CACNA1E: variants seen among roughly 807,000 people sequenced by gnomAD.
The protein encoded by CACNA1E is voltage-dependent R-type calcium channel subunit alpha-1E.
Under a neutral mutation model 259.2 loss-of-function variants are expected in CACNA1E, and 40 were observed. The observed-to-expected ratio is 0.15, with a 90% confidence interval of 0.12 to 0.20. The LOEUF is 0.20. CACNA1E is among the 10% of genes least tolerant of loss of function. The pLI, the probability that CACNA1E is intolerant of heterozygous loss-of-function variation, is 1.00. For missense variants in CACNA1E, 1,874 were observed against 3,040.1 expected (o/e 0.62, Z 9.02); for synonymous variants, 1,104 against 1,138.5 (o/e 0.97, Z 0.61).
intron 44 of CACNA1E, among the ~76,000 whole-genome samples, chr1:181,792,503 C>T (rs1272640518): frequency 6.6e-6 from 1 of 152,164 alleles, no homozygotes; most frequent in African/African-American, 2.4e-5. Context: ...TGTCTGGAGT[C>T]AGAACTGTGT....
chr1:181,528,024 T>G (rs1014519210), intron 3 of CACNA1E, among the ~76,000 whole-genome samples: 1 of 152,188 alleles, frequency 6.6e-6, no homozygotes, highest in East Asian at 1.9e-4. Flanking sequence ...TGAAGACCAT[T>G]TTTTATCTGT....
At chr1:181,790,351 C>A in intron 43 of CACNA1E, 94 bp from the exon 44 acceptor site, 1 of 664,452 alleles carries the variant, frequency 1.5e-6, no homozygotes, top group South Asian at 2.1e-5. Flanking sequence ...TTTACAAAAG[C>A]CAGCCAAGGC....
intron 6 of CACNA1E, among the ~76,000 whole-genome samples, chr1:181,602,056 TCTTTC>T (rs1254527699): frequency 6.6e-6 from 1 of 152,220 alleles, no homozygotes; most frequent in African/African-American, 2.4e-5. Flanking sequence ...CTCGGTGAGT[TCTTTC>T]CTGACCATCG....
chr1:181,798,696 A>G lies in CACNA1E; in HGVS notation c.6804A>G (p.Ser2268=). The change falls in exon 48 of 48, where the codon TCA becomes TCG. Residue 2268 remains serine, a synonymous_variant. Coordinates refer to ENST00000367573, the MANE Select transcript of CACNA1E (RefSeq NM_001205293.3). The surrounding 1 kb of genome is among the most constrained non-coding windows in gnomAD (Gnocchi z 4.2). ...TGGGCCGTTCCAACACCATCGGCTC[A>G]GCCCCACCCCTGCGGCATAGCTGGC... The part of the protein sequence containing the change: ...TSLGRSNTIG[S]APPLRHSWQM... 1.2e-6 allele frequency: 2 copies of G among 1,609,384 alleles called. No individual in the cohort carries two copies. Among genetic ancestry groups the G allele is most frequent in the Non-Finnish European group, 1.7e-6 (2 of 1,177,100 alleles).
intron 6 of CACNA1E, among the ~76,000 whole-genome samples, chr1:181,601,179 T>G (rs1653707571): frequency 6.6e-6 from 1 of 152,214 alleles, no homozygotes; most frequent in African/African-American, 2.4e-5. Context: ...GAGGGAGCTC[T>G]TCAGTCTGAG....
chr1:181,793,350 G>A (rs1038213182), intron 44 of CACNA1E, among the ~76,000 whole-genome samples: 5 of 152,180 alleles, frequency 3.3e-5, no homozygotes, highest in African/African-American at 1.2e-4. Context: ...TCACATATCT[G>A]AAAAGTATTA....
chr1:181,579,536 C>T (rs1469439002), intron 5 of CACNA1E, among the ~76,000 whole-genome samples: 2 of 152,154 alleles, frequency 1.3e-5, no homozygotes, highest in Non-Finnish European at 2.9e-5. Context: ...CATAGTGGCA[C>T]CCACCTGTAG....
intron 6 of CACNA1E, among the ~76,000 whole-genome samples, chr1:181,605,446 C>G (rs977983168): frequency 6.6e-6 from 1 of 151,462 alleles, no homozygotes; most frequent in East Asian, 1.9e-4. Context: ...CAAACACACA[C>G]GAGAAGAGTA....
chr1:181,503,832 A>G (rs1665475684), intron 1 of CACNA1E, among the ~76,000 whole-genome samples: 1 of 152,218 alleles, frequency 6.6e-6, no homozygotes, highest in Admixed American at 6.5e-5. Context: ...GTGTTGGGAC[A>G]GCTTTTGCAG....
chr1:181,782,090 A>C (rs1187045611), intron 39 of CACNA1E, among the ~76,000 whole-genome samples: 3 of 152,236 alleles, frequency 2.0e-5, no homozygotes, highest in Non-Finnish European at 4.4e-5. Flanking sequence ...AGGTGTAAGA[A>C]GAAAAGAGGA....
chr1:181,622,650 C>T (rs564464140), intron 6 of CACNA1E, among the ~76,000 whole-genome samples: 8 of 152,264 alleles, frequency 5.3e-5, no homozygotes, highest in African/African-American at 1.7e-4. Context: ...AACCACATCA[C>T]CTCTTTAAAA....
intron 2 of CACNA1E, among the ~76,000 whole-genome samples, chr1:181,418,198 G>T (rs1339539885): frequency 6.6e-6 from 1 of 151,978 alleles, no homozygotes; most frequent in Non-Finnish European, 1.5e-5. Flanking sequence ...GGATTTTGCC[G>T]TGTTGCCCAG....
chr1:181,669,674 T>G (rs1449812422), intron 7 of CACNA1E, among the ~76,000 whole-genome samples: 1 of 152,194 alleles, frequency 6.6e-6, no homozygotes, highest in Non-Finnish European at 1.5e-5. Context: ...AAGCTCCCAG[T>G]AAATGGCCTC....
chr1:181,381,109 T>A (rs1321472663), intron 1 of CACNA1E, among the ~76,000 whole-genome samples: 1 of 150,894 alleles, frequency 6.6e-6, no homozygotes, highest in Non-Finnish European at 1.5e-5. Context: ...GAGGTTGCAG[T>A]GAGCTGAGAT....
chr1:181,642,535 G>A, intron 6 of CACNA1E, among the ~76,000 whole-genome samples: 1 of 152,134 alleles, frequency 6.6e-6, no homozygotes, highest in East Asian at 1.9e-4. Flanking sequence ...GTACTCTTTT[G>A]CGTTTCTGAT....
chr1:181,791,788 G>A (rs1285606633), intron 44 of CACNA1E, among the ~76,000 whole-genome samples: 1 of 152,280 alleles, frequency 6.6e-6, no homozygotes, highest in African/African-American at 2.4e-5. Flanking sequence ...TTCATCTGTG[G>A]CTCTTCTCTC....
chr1:181,546,814 G>T (rs748249557), intron 3 of CACNA1E, among the ~76,000 whole-genome samples: 1 of 152,218 alleles, frequency 6.6e-6, no homozygotes, highest in Admixed American at 6.5e-5. Flanking sequence ...AAACCCAGGG[G>T]ATTTGGTGTC....
intron 2 of CACNA1E, among the ~76,000 whole-genome samples, chr1:181,431,599 T>C (rs1391468534): frequency 1.3e-5 from 2 of 152,190 alleles, no homozygotes; most frequent in African/African-American, 4.8e-5. Flanking sequence ...AGGTATCATT[T>C]CCACTTTTTC....
intron 2 of CACNA1E, among the ~76,000 whole-genome samples, chr1:181,418,143 ACT>A (rs1192324454): frequency 6.7e-6 from 1 of 148,786 alleles, no homozygotes; most frequent in Non-Finnish European, 1.5e-5. Context: ...CTTTCTTGAA[ACT>A]CTTTTGTCCT....
Sources: allele counts gnomAD v4.1 joint callset (sites outside exome capture counted in the v4.1 genomes callset), GRCh38; gene constraint gnomAD v4.1.1; non-coding constraint Gnocchi (gnomAD v3.1); transcripts MANE v1.5; gene names NCBI Gene and HGNC (gene_info 2026-07-23, HGNC 2026-07-21).